The following NGEF variants were observed in gnomAD, a reference collection of about 807,000 sequenced individuals.
NGEF encodes the protein neuronal guanine nucleotide exchange factor.
Under a neutral mutation model 80.9 loss-of-function variants are expected in NGEF, and 31 were observed. The ratio of observed to expected loss-of-function variants is 0.38; its 90% CI spans 0.29 to 0.52. NGEF has a LOEUF of 0.52. Among genes scored for constraint, NGEF ranks in the 20% least tolerant of loss-of-function variants. NGEF has a pLI of 0.84. For missense variants in NGEF, 709 were observed against 926.2 expected (o/e 0.77, Z 3.04); for synonymous variants, 371 against 370.2 (o/e 1.00, Z -0.03).
At chr2:232,968,518 G>C (rs1009639847) in intron 3 of NGEF, among the ~76,000 whole-genome samples, 1 of 152,026 alleles carries the variant, frequency 6.6e-6, no homozygotes, top group Non-Finnish European at 1.5e-5. Context: ...GGATTCTCCT[G>C]CCTCAGCCTC....
At chr2:232,914,831 A>G (rs1346905954) in intron 5 of NGEF, among the ~76,000 whole-genome samples, 5 of 151,994 alleles carry the variant, frequency 3.3e-5, no homozygotes, top group Non-Finnish European at 5.9e-5. Context: ...AGCCTGACCA[A>G]CATGGTGAAA....
At chr2:232,961,929 G>A (rs994644929) in intron 3 of NGEF, among the ~76,000 whole-genome samples, 1 of 152,232 alleles carries the variant, frequency 6.6e-6, no homozygotes, top group Non-Finnish European at 1.5e-5. Context: ...GAGAGAAACA[G>A]GGAGGAGGGG....
intron 13 of NGEF, among the ~76,000 whole-genome samples, 157 bp downstream of exon 13, chr2:232,882,029 G>T (rs920994382): frequency 6.6e-6 from 1 of 152,224 alleles, no homozygotes; most frequent in Non-Finnish European, 1.5e-5. Flanking sequence ...CCGGTACTAA[G>T]TTTCCAGTAG....
In NGEF at chr2:232,882,271, A is replaced by G. The variant is rs1691527891; in HGVS notation, c.1758-6T>C. The G allele has an allele frequency of 6.2e-7, 1 of 1,612,844 alleles. No homozygotes were observed. The highest frequency in any genetic ancestry group is 1.3e-5 in the African/African-American group (1 of 74,918). On this transcript the variant is annotated splice_polypyrimidine_tract_variant and splice_region_variant and intron_variant, in intron 12 of 14. Transcript: ENST00000264051. Reference sequence around the variant, plus strand: ...TCCAACGCTTCATCTCACTCCTGGCACAGGGAAGAGGACAGTGCCCCAACT... The same window carrying G: ...TCCAACGCTTCATCTCACTCCTGGCGCAGGGAAGAGGACAGTGCCCCAACT...
At chr2:232,966,859 G>C (rs192789588) in intron 3 of NGEF, among the ~76,000 whole-genome samples, 35 of 152,238 alleles carry the variant, frequency 2.3e-4, no homozygotes, top group Middle Eastern at 3.4e-3. Flanking sequence ...GTGAGGGTGG[G>C]GGGGGAGGCG....
intron 5 of NGEF, chr2:232,905,714 C>T (rs1310312162): frequency 9.0e-5 from 36 of 398,068 alleles, no homozygotes; most frequent in Admixed American, 6.2e-4. Context: ...TCCGCCCGGC[C>T]GCCCATCGTC....
intron 14 of NGEF, 23 bp downstream of exon 14, chr2:232,881,104 AAGTTCCCCTGGGGGCCCCG>A: frequency 6.6e-7 from 1 of 1,526,252 alleles, no homozygotes; most frequent in Non-Finnish European, 9.0e-7. Flanking sequence ...CTTGTGGGGC[AAGTTCCCCTGGGGGCCCCG>A]AGGGGAGGTC....
At chr2:232,907,082 C>A (rs551260971) in intron 5 of NGEF, among the ~76,000 whole-genome samples, 67 of 149,956 alleles carry the variant, frequency 4.5e-4, no homozygotes, top group Non-Finnish European at 8.1e-4. Flanking sequence ...ACTTGTTTGT[C>A]TGCTGACCTT....
intron 1 of NGEF, among the ~76,000 whole-genome samples, chr2:232,986,749 A>G (rs1309253962): frequency 1.3e-5 from 2 of 152,170 alleles, no homozygotes; most frequent in Non-Finnish European, 2.9e-5. Context: ...AAAACCTTTC[A>G]ATTATAAGAT....
intron 14 of NGEF, among the ~76,000 whole-genome samples, chr2:232,879,931 G>A (rs1361340231): frequency 1.3e-5 from 2 of 152,184 alleles, no homozygotes; most frequent in Non-Finnish European, 2.9e-5. Flanking sequence ...GTTGACTTTG[G>A]AACCCACTCT....
chr2:232,927,541 T>C (rs2106284305), intron 3 of NGEF, among the ~76,000 whole-genome samples: 1 of 151,772 alleles, frequency 6.6e-6, no homozygotes, highest in Non-Finnish European at 1.5e-5. Context: ...TCGGCGCCCC[T>C]CGCCGTCACT....
At chr2:232,958,180 A>G (rs773390758) in intron 3 of NGEF, among the ~76,000 whole-genome samples, 62 of 152,102 alleles carry the variant, frequency 4.1e-4, no homozygotes, top group Non-Finnish European at 7.1e-4. Context: ...CTCCATTTGT[A>G]TTTTTATTGC....
Position 233,010,831 on chromosome 2 carries a change from C to G in NGEF, c.-75+2237G>C, listed in dbSNP as rs3811590. ...AGTCCTCAGCCTTCTGGGGTGGGTC[C>G]TCCAGTCTGGAGGCAGAATTCCACC... On this transcript the variant is annotated intron_variant, in intron 1 of 14. Coordinates refer to ENST00000264051, the MANE Select transcript of NGEF (RefSeq NM_019850.3). Among the ~76,000 whole-genome samples, 523 of 152,276 alleles carry G rather than the reference C, an allele frequency of 3.4e-3. 21 individuals are homozygous for G. The East Asian group carries it at 0.075, about 22-fold the overall frequency.
At chr2:232,996,829 T>TA (rs202222656) in intron 1 of NGEF, among the ~76,000 whole-genome samples, 86 of 152,188 alleles carry the variant, frequency 5.7e-4, no homozygotes, top group African/African-American at 1.9e-3. Flanking sequence ...AAGATTTTTT[T>TA]AAAATTTTAG....
chr2:232,900,613 T>TTCTC (rs71058509), intron 5 of NGEF, among the ~76,000 whole-genome samples: 1 of 37,716 alleles, frequency 2.7e-5, no homozygotes, highest in African/African-American at 1.5e-4. Context: ...TTCACTCACA[T>TTCTC]ACACACACGC....
intron 8 of NGEF, 73 bp downstream of exon 8, chr2:232,891,285 C>T: frequency 6.3e-7 from 1 of 1,580,540 alleles, no homozygotes; most frequent in Non-Finnish European, 8.6e-7. Flanking sequence ...TCCTAGAAAG[C>T]TGACAGGGCC....
intron 2 of NGEF, among the ~76,000 whole-genome samples, chr2:232,974,005 C>T (rs79471082): frequency 0.088 from 13,455 of 152,100 alleles, 712 homozygotes; most frequent in South Asian, 0.17. Context: ...CATTCTTCAC[C>T]CCCAGCAGGC....
At chr2:232,896,079 C>T (rs1014149024) in intron 5 of NGEF, among the ~76,000 whole-genome samples, 12 of 152,176 alleles carry the variant, frequency 7.9e-5, no homozygotes, top group East Asian at 1.9e-4. Context: ...GTCCCACAGT[C>T]GCTTCCCAGG....
intron 3 of NGEF, among the ~76,000 whole-genome samples, chr2:232,960,221 C>T (rs1693918011): frequency 6.6e-6 from 1 of 152,198 alleles, no homozygotes; most frequent in Non-Finnish European, 1.5e-5. Context: ...CTTATAAAAG[C>T]ACATATTAAG....
Sources: gnomAD v4.1 joint callset for allele counts (sites outside exome capture counted in the v4.1 genomes callset) on GRCh38, gnomAD v4.1.1 for gene constraint, MANE v1.5 for transcripts, NCBI Gene and HGNC (gene_info 2026-07-23, HGNC 2026-07-21) for gene names.